OSBPL10: variants seen among roughly 807,000 people sequenced by gnomAD.
OSBPL10 encodes oxysterol-binding protein-related protein 10.
Under a neutral mutation model 81.7 loss-of-function variants are expected in OSBPL10, and 49 were observed. That is an observed-to-expected ratio of 0.60 (90% CI 0.48 to 0.76). OSBPL10 has a LOEUF of 0.76. Among genes scored for constraint, OSBPL10 ranks in the 30% least tolerant of loss-of-function variants. OSBPL10 has a pLI of 0.00. For synonymous variants in OSBPL10, 419 were observed against 383.6 expected (o/e 1.09, Z -1.08); for missense variants, 923 against 987.8 (o/e 0.93, Z 0.88).
Position 31,683,788 on chromosome 3 carries a change from G to A in OSBPL10, c.1572C>T (p.Tyr524=), listed in dbSNP as rs1218194298. 1.9e-6 allele frequency: 3 copies of A among 1,614,218 alleles called. No homozygotes were observed. In the South Asian group the frequency reaches 3.3e-5, roughly 18 times the overall value. The change falls in exon 8 of 12, where the codon TAC becomes TAT. Residue 524 remains tyrosine (Y), a synonymous_variant. Transcript: ENST00000396556. ...CTTGCTCAGCCACAAACCTTAGTTT[G>A]TAGCTTTTGGAAGGGTCATCGGCCA... ...HPMADDPSKS[Y]KLRFVAEQVS...
chr3:31,932,367 T>C (rs1005385484), intron 1 of OSBPL10, among the ~76,000 whole-genome samples: 7 of 152,168 alleles, frequency 4.6e-5, no homozygotes, highest in African/African-American at 9.6e-5. Flanking sequence ...CCCTAAGTGA[T>C]TTCGCTTCCT....
chr3:32,041,280 A>T (rs1269716948), intron 2 of OSBPL10, among the ~76,000 whole-genome samples: 1 of 152,240 alleles, frequency 6.6e-6, no homozygotes, highest in African/African-American at 2.4e-5. Context: ...AGATTAACTC[A>T]TAGAAAAACA....
chr3:31,783,839 T>TATATAA (rs1231791806), intron 4 of OSBPL10, among the ~76,000 whole-genome samples: 1 of 95,442 alleles, frequency 1.0e-5, no homozygotes, highest in Non-Finnish European at 1.9e-5. Context: ...TATATATATA[T>TATATAA]ATATATATAT....
intron 3 of OSBPL10, among the ~76,000 whole-genome samples, chr3:31,854,553 A>G (rs935588773): frequency 1.3e-5 from 2 of 152,206 alleles, no homozygotes; most frequent in Non-Finnish European, 2.9e-5. Flanking sequence ...GTGTTAGACT[A>G]TATATAATTT....
At chr3:31,836,714 C>T (rs1559485747) in intron 3 of OSBPL10, among the ~76,000 whole-genome samples, 3 of 152,156 alleles carry the variant, frequency 2.0e-5, no homozygotes, top group Admixed American at 2.0e-4. Flanking sequence ...TCTCCACTTT[C>T]CACAGATCCA....
intron 4 of OSBPL10, among the ~76,000 whole-genome samples, chr3:31,787,664 T>G (rs1698894016): frequency 6.6e-6 from 1 of 151,578 alleles, no homozygotes; most frequent in African/African-American, 2.4e-5. Context: ...GCCAGCCGGT[T>G]CAGCCACACC....
chr3:31,872,619 A>G (rs1701358852), intron 3 of OSBPL10, among the ~76,000 whole-genome samples: 2 of 144,264 alleles, frequency 1.4e-5, no homozygotes, highest in African/African-American at 5.7e-5. Context: ...TGAAATTCAA[A>G]AGCTTTTTTT....
At chr3:32,076,154 G>T (rs1699873711) in intron 1 of OSBPL10, among the ~76,000 whole-genome samples, 1 of 152,096 alleles carries the variant, frequency 6.6e-6, no homozygotes, top group Admixed American at 6.5e-5. Flanking sequence ...TGGATCACGA[G>T]GTCAGGAGAT....
At chr3:31,742,050 T>G (rs1373472323) in intron 5 of OSBPL10, among the ~76,000 whole-genome samples, 2 of 152,222 alleles carry the variant, frequency 1.3e-5, no homozygotes, top group East Asian at 3.8e-4. Context: ...CTAATACACC[T>G]ATTTACTGAA....
chr3:31,915,015 G>A (rs181668064), intron 1 of OSBPL10, among the ~76,000 whole-genome samples: 69 of 152,074 alleles, frequency 4.5e-4, no homozygotes, highest in Admixed American at 3.7e-3. Context: ...CCCAAGCTCC[G>A]TGCTGGAGTG....
At chr3:31,799,708 C>G (rs912490749) in intron 4 of OSBPL10, among the ~76,000 whole-genome samples, 3 of 152,126 alleles carry the variant, frequency 2.0e-5, no homozygotes, top group African/African-American at 7.2e-5. Context: ...CTTCAAATCA[C>G]AAAAATCGTA....
At chr3:31,823,945 A>G (rs1239278164) in intron 4 of OSBPL10, among the ~76,000 whole-genome samples, 1 of 152,010 alleles carries the variant, frequency 6.6e-6, no homozygotes, top group Non-Finnish European at 1.5e-5. Flanking sequence ...TCCACTGCCC[A>G]GGCTCAAAGG....
chr3:31,766,337 GTTTTTTTTTGTT>G (rs1698197571), intron 4 of OSBPL10, among the ~76,000 whole-genome samples: 13 of 26,830 alleles, frequency 4.8e-4, no homozygotes, highest in African/African-American at 6.3e-4. Context: ...TTGTTTTTTT[GTTTTTTTTTGTT>G]TTTTTTTTGA....
chr3:31,776,153 G>T (rs1698543223), intron 4 of OSBPL10, among the ~76,000 whole-genome samples: 1 of 151,932 alleles, frequency 6.6e-6, no homozygotes, highest in Non-Finnish European at 1.5e-5. Flanking sequence ...TGTGTGTCAG[G>T]TCTTAAAATT....
intron 1 of OSBPL10, among the ~76,000 whole-genome samples, chr3:31,941,712 A>G (rs1461693944): frequency 6.6e-6 from 1 of 152,204 alleles, no homozygotes; most frequent in Non-Finnish European, 1.5e-5. Context: ...AGAGGGGCCC[A>G]TCTTTCCTTT....
At chr3:31,773,138 T>C (rs367753408) in intron 4 of OSBPL10, among the ~76,000 whole-genome samples, 1 of 152,308 alleles carries the variant, frequency 6.6e-6, no homozygotes, top group South Asian at 2.1e-4. Context: ...CAAAGTTTCA[T>C]ATGCACTATA....
At chr3:31,809,630 T>C (rs549981190) in intron 4 of OSBPL10, among the ~76,000 whole-genome samples, 7 of 152,322 alleles carry the variant, frequency 4.6e-5, no homozygotes, top group East Asian at 3.9e-4. Flanking sequence ...CTAAGGACAA[T>C]AAGGCTGTGC....
intron 4 of OSBPL10, among the ~76,000 whole-genome samples, chr3:31,757,611 C>T (rs561573539): frequency 4.3e-4 from 66 of 152,334 alleles, no homozygotes; most frequent in African/African-American, 1.6e-3. Context: ...ACATCACAGA[C>T]ATCTTTCCAC....
chr3:31,793,141 G>A (rs1699074882), intron 4 of OSBPL10, among the ~76,000 whole-genome samples: 1 of 152,052 alleles, frequency 6.6e-6, no homozygotes, highest in Non-Finnish European at 1.5e-5. Context: ...ACCAAAGAGG[G>A]CAGAAATATT....
Sources: gnomAD v4.1 joint callset for allele counts (sites outside exome capture counted in the v4.1 genomes callset) on GRCh38, gnomAD v4.1.1 for gene constraint, MANE v1.5 for transcripts, NCBI Gene and HGNC (gene_info 2026-07-23, HGNC 2026-07-21) for gene names.